Variants in RICTOR observed in about 807,000 individuals in gnomAD.
The protein encoded by RICTOR is RPTOR independent companion of MTOR complex 2.
A neutral mutation model predicts 214.9 loss-of-function variants in RICTOR; 49 were observed. The ratio of observed to expected loss-of-function variants is 0.23; its 90% confidence interval spans 0.18 to 0.29. The LOEUF (loss-of-function observed/expected upper bound fraction) is 0.29, where lower values mean the gene tolerates loss of function less well. Among genes scored for constraint, RICTOR ranks in the 10% least tolerant of loss-of-function variants. The pLI, the probability that RICTOR is intolerant of heterozygous loss-of-function variation, is 1.00. For missense variants in RICTOR, 1,625 were observed against 2,047.0 expected, an observed-to-expected ratio of 0.79 and a Z score of 3.98; for synonymous variants, 717 against 711.3, an observed-to-expected ratio of 1.01 and a Z score of -0.13.
At chr5:38,994,733 A>AACTG (rs4018950) in intron 6 of RICTOR, among the ~76,000 whole-genome samples, 145,289 of 152,156 alleles carry the variant, frequency 0.95, 69,499 homozygotes, top group East Asian at 0.99. Context: ...AGCAATTAAA[A>AACTG]ACTACTTTAA....
chr5:39,002,800 A>T (rs781716847), intron 4 of RICTOR, 134 bp from the exon 5 acceptor site: 7 of 800,368 alleles, frequency 8.7e-6, no homozygotes, highest in Non-Finnish European at 1.3e-5. Context: ...AGCATTCTAC[A>T]TATATAAAAA....
At chr5:39,068,924 C>A (rs1407461857) in intron 2 of RICTOR, among the ~76,000 whole-genome samples, 2 of 152,200 alleles carry the variant, frequency 1.3e-5, no homozygotes, top group African/African-American at 4.8e-5. Flanking sequence ...CAGTCACTCA[C>A]TAAGCCCTGT....
At chr5:38,954,656 A>C in intron 27 of RICTOR, 118 bp downstream of exon 27, 1 of 638,590 alleles carries the variant, frequency 1.6e-6, no homozygotes, top group Admixed American at 2.7e-5. Flanking sequence ...AAAAGCAATT[A>C]CACCACTGAT....
chr5:38,990,676 A>AC (rs1404366047), intron 7 of RICTOR, among the ~76,000 whole-genome samples: 1 of 100,062 alleles, frequency 1.0e-5, no homozygotes, highest in African/African-American at 4.0e-5. Context: ...GATATATATC[A>AC]GATATATCAT....
At chr5:39,019,750 T>C (rs76874809) in intron 3 of RICTOR, among the ~76,000 whole-genome samples, 3,490 of 152,210 alleles carry the variant, frequency 0.023, 137 homozygotes, top group African/African-American at 0.08. Flanking sequence ...ATCGGGGAAT[T>C]GGGGAATAAT....
At chr5:38,974,857 G>A (rs1751079092) in intron 10 of RICTOR, among the ~76,000 whole-genome samples, 1 of 152,194 alleles carries the variant, frequency 6.6e-6, no homozygotes, top group South Asian at 2.1e-4. Context: ...TAGGTACACA[G>A]AAATGTTTAG....
intron 35 of RICTOR, 121 bp downstream of exon 35, chr5:38,944,792 A>G: frequency 9.7e-7 from 1 of 1,028,440 alleles, no homozygotes; most frequent in South Asian, 1.4e-5. Flanking sequence ...TTGCTTCACT[A>G]AAATGGACGT....
At chr5:39,049,425 G>T (rs1303285102) in intron 2 of RICTOR, among the ~76,000 whole-genome samples, 4 of 152,102 alleles carry the variant, frequency 2.6e-5, no homozygotes, top group Non-Finnish European at 5.9e-5. Flanking sequence ...GGCTTTAAAG[G>T]TCTGTAATAC....
intron 6 of RICTOR, among the ~76,000 whole-genome samples, chr5:38,995,079 A>G (rs1271698595): frequency 6.6e-6 from 1 of 152,244 alleles, no homozygotes; most frequent in African/African-American, 2.4e-5. Flanking sequence ...TCGTTTATCA[A>G]GACAAAATTA....
At chr5:39,049,593 A>G (rs2150184097) in intron 2 of RICTOR, among the ~76,000 whole-genome samples, 1 of 151,936 alleles carries the variant, frequency 6.6e-6, no homozygotes. Context: ...CCTCTGGCTT[A>G]AGGGAAAAAA....
chr5:38,953,631 G>A lies in RICTOR; in HGVS notation c.2698-78C>T. Reference sequence around the variant, plus strand: ...ATATTATTATTGCATCATAAAACCAGTATAACGTTTGTTTTTTGTCATTTT... The same window carrying A: ...ATATTATTATTGCATCATAAAACCAATATAACGTTTGTTTTTTGTCATTTT... On this transcript the variant is annotated intron_variant, in intron 27 of 37. Coordinates refer to ENST00000357387, the MANE Select transcript of RICTOR (RefSeq NM_152756.5). The A allele has an allele frequency of 6.6e-6, 3 of 453,204 alleles. 1 individual carries two copies. The highest frequency in any genetic ancestry group is 1.1e-5 in the Non-Finnish European group (3 of 265,732). The allele number at this position is 453,204 out of a possible 1,614,324, so 28.1% of individuals were successfully genotyped here. A position where few individuals can be genotyped will look rare whatever the true frequency, so the allele number is the denominator to read the frequency against.
rs1435685733 is a variant in RICTOR, at chr5:38,939,290, TAA to T, written c.*3012_*3013del. The T allele has an allele frequency of 4.3e-6, 1 of 232,476 alleles. No homozygotes were observed. Among genetic ancestry groups the T allele is most frequent in the South Asian group, 1.8e-4 (1 of 5,520 alleles). The allele number at this position is 232,476 out of a possible 1,614,324, so 14.4% of individuals were successfully genotyped here. ...AGCTTGAATTATCTCAAGCTCTAGA[TAA>T]AAGAGCTGAAACCCATTAAAGTTGT... On this transcript the variant is annotated 3_prime_UTR_variant, in exon 38 of 38. Coordinates refer to ENST00000357387, the MANE Select transcript of RICTOR (RefSeq NM_152756.5).
intron 3 of RICTOR, among the ~76,000 whole-genome samples, chr5:39,006,830 T>C (rs948001704): frequency 6.7e-6 from 1 of 149,330 alleles, no homozygotes; most frequent in Non-Finnish European, 1.5e-5. Context: ...AGGACTAGAA[T>C]AGCTGCTATC....
intron 20 of RICTOR, 136 bp downstream of exon 20, chr5:38,960,262 A>G: frequency 1.1e-6 from 1 of 892,000 alleles, no homozygotes; most frequent in Admixed American, 2.4e-5. Context: ...TAGGTCTGGG[A>G]TCATTTCTTA....
chr5:38,990,834 A>ATATATGAGATATATGAGATATAT (rs1752709030), intron 7 of RICTOR, 115 bp downstream of exon 7: 3 of 142,534 alleles, frequency 2.1e-5, no homozygotes, highest in South Asian at 2.2e-4. Context: ...ATGATATATG[A>ATATATGAGATATATGAGATATAT]GATATATGAG....
At chr5:39,017,555 A>C (rs1280060342) in intron 3 of RICTOR, among the ~76,000 whole-genome samples, 1 of 151,764 alleles carries the variant, frequency 6.6e-6, no homozygotes, top group East Asian at 2.0e-4. Context: ...TAAAAAAAAA[A>C]ACTTTCTCAT....
At position 38,940,144 on chromosome 5, in the gene RICTOR, A is replaced by AC. The variant is rs1491190051; in HGVS notation, c.*2159_*2160insG. 1,682 of 143,614 alleles carry AC rather than the reference A, an allele frequency of 0.012. No individual in the cohort carries two copies. The highest frequency in any genetic ancestry group is 0.024 in the East Asian group (269 of 11,210). 8.9% of individuals were successfully genotyped at this position (143,614 alleles called of 1,614,324 possible). On this transcript the variant is annotated 3_prime_UTR_variant, in exon 38 of 38. Transcript: ENST00000357387. The stretch of plus-strand genomic sequence containing the variant: ...CAAAGTAACAGTAAAAAAAAAAAAC[A>AC]AAAAAAAAAACACAAAACATTCAGG...
intron 5 of RICTOR, among the ~76,000 whole-genome samples, chr5:38,998,099 T>C (rs1192654283): frequency 6.6e-6 from 1 of 152,156 alleles, no homozygotes; most frequent in Non-Finnish European, 1.5e-5. Flanking sequence ...CTGCTCAATA[T>C]CTACACTCTG....
Position 38,988,664 on chromosome 5 carries a change from C to T in RICTOR, c.583+2285G>A, listed in dbSNP as rs374833950. Among the ~76,000 whole-genome samples the T allele has an allele frequency of 2.0e-5, 3 of 152,228 alleles. No individual in the cohort carries two copies. The East Asian group carries it at 5.8e-4, about 29-fold the overall frequency. ...TCCTTAAGCTGATAAGCAACTTCAC[C>T]AAAGTCTCAGGATACAAAATCAATG... On this transcript the variant is annotated intron_variant, in intron 7 of 37. Transcript: ENST00000357387.
Sources: allele counts gnomAD v4.1 joint callset (sites outside exome capture counted in the v4.1 genomes callset), GRCh38; gene constraint gnomAD v4.1.1; transcripts MANE v1.5; gene names NCBI Gene and HGNC (gene_info 2026-07-23, HGNC 2026-07-21).